CCDC102B: variants seen among roughly 807,000 people sequenced by gnomAD.
CCDC102B encodes coiled-coil domain containing 102B.
CCDC102B carries 75 observed loss-of-function variants against 57.4 expected under a neutral mutation model. The ratio of observed to expected loss-of-function variants is 1.31; its 90% CI spans 1.08 to 1.58. The LOEUF (loss-of-function observed/expected upper bound fraction) is 1.58. Among genes scored for constraint, CCDC102B ranks in the 40% most tolerant of loss-of-function variants. CCDC102B has a pLI of 0.00. For synonymous variants in CCDC102B, 206 were observed against 201.9 expected (o/e 1.02, Z -0.17); for missense variants, 636 against 582.6 (o/e 1.09, Z -0.94).
At chr18:68,715,828 T>A (rs569809281) in intron 1 of CCDC102B, among the ~76,000 whole-genome samples, 1 of 152,332 alleles carries the variant, frequency 6.6e-6, no homozygotes, top group East Asian at 1.9e-4. Flanking sequence ...ACTTACGAAC[T>A]AGATGAAATT....
chr18:68,996,324 A>G (rs1049103783), intron 6 of CCDC102B, among the ~76,000 whole-genome samples: 2 of 152,042 alleles, frequency 1.3e-5, no homozygotes, highest in Non-Finnish European at 2.9e-5. Flanking sequence ...TTACACCTAT[A>G]CCAGTGGTTT....
intron 2 of CCDC102B, among the ~76,000 whole-genome samples, chr18:68,779,396 C>A (rs530795003): frequency 6.6e-6 from 1 of 152,018 alleles, no homozygotes; most frequent in Non-Finnish European, 1.5e-5. Context: ...TCAAAGATTG[C>A]GTAAGCATAG....
chr18:69,051,901 T>A (rs1207618123), intron 7 of CCDC102B, among the ~76,000 whole-genome samples: 1 of 151,066 alleles, frequency 6.6e-6, no homozygotes, highest in Non-Finnish European at 1.5e-5. Context: ...ATCAAGAACA[T>A]AAATGACAAG....
intron 6 of CCDC102B, among the ~76,000 whole-genome samples, chr18:68,925,895 ATC>A (rs2041459212): frequency 6.6e-6 from 1 of 151,964 alleles, no homozygotes. Context: ...ATCAATATAT[ATC>A]TCTGAGACAT....
chr18:68,903,688 G>A (rs1242692607), intron 6 of CCDC102B, among the ~76,000 whole-genome samples: 1 of 152,110 alleles, frequency 6.6e-6, no homozygotes, highest in Non-Finnish European at 1.5e-5. Flanking sequence ...GGAAAAAGTG[G>A]TCCATATTCT....
At chr18:69,022,019 G>A (rs1314066859) in intron 7 of CCDC102B, among the ~76,000 whole-genome samples, 1 of 152,000 alleles carries the variant, frequency 6.6e-6, no homozygotes, top group Non-Finnish European at 1.5e-5. Flanking sequence ...CCCATCAAGC[G>A]AGGCTTATTC....
At chr18:68,918,783 A>G (rs1248164936) in intron 6 of CCDC102B, among the ~76,000 whole-genome samples, 2 of 152,178 alleles carry the variant, frequency 1.3e-5, no homozygotes, top group Non-Finnish European at 2.9e-5. Flanking sequence ...TTGGATTCAT[A>G]GCAGTTCTAA....
At chr18:68,781,102 T>C (rs550810395) in intron 2 of CCDC102B, among the ~76,000 whole-genome samples, 14 of 152,200 alleles carry the variant, frequency 9.2e-5, no homozygotes, top group Non-Finnish European at 1.5e-4. Context: ...TTGTTGTTAG[T>C]AACAACATCA....
intron 2 of CCDC102B, among the ~76,000 whole-genome samples, chr18:68,724,291 C>T (rs1206702998): frequency 6.6e-6 from 1 of 152,188 alleles, no homozygotes; most frequent in African/African-American, 2.4e-5. Flanking sequence ...CTGACATGCC[C>T]CGAAGACATT....
intron 2 of CCDC102B, among the ~76,000 whole-genome samples, chr18:68,755,239 C>A (rs539199421): frequency 6.6e-6 from 1 of 152,128 alleles, no homozygotes; most frequent in East Asian, 1.9e-4. Context: ...CCCCAGAAAA[C>A]CTCTCCAAGT....
At chr18:68,895,235 T>C (rs2040203059) in intron 5 of CCDC102B, among the ~76,000 whole-genome samples, 1 of 151,822 alleles carries the variant, frequency 6.6e-6, no homozygotes, top group Non-Finnish European at 1.5e-5. Flanking sequence ...TGACCCTTAG[T>C]TTATTATATA....
At chr18:68,833,935 C>G (rs1021761705) in intron 1 of CCDC102B, among the ~76,000 whole-genome samples, 3 of 152,140 alleles carry the variant, frequency 2.0e-5, no homozygotes, top group African/African-American at 4.8e-5. Flanking sequence ...ATCAGCGGCC[C>G]TGTCCTACAA....
intron 7 of CCDC102B, among the ~76,000 whole-genome samples, chr18:69,052,997 G>A (rs1271443261): frequency 1.3e-5 from 2 of 151,862 alleles, no homozygotes; most frequent in Non-Finnish European, 2.9e-5. Context: ...AGTGACTTGA[G>A]CATATGTGGA....
intron 7 of CCDC102B, among the ~76,000 whole-genome samples, chr18:69,043,268 G>GAAC (rs1434791468): frequency 6.6e-6 from 1 of 152,112 alleles, no homozygotes; most frequent in Admixed American, 6.6e-5. Flanking sequence ...TCAGTAGATG[G>GAAC]AACGTACAAT....
chr18:68,876,014 G>A (rs1156913942), intron 5 of CCDC102B, among the ~76,000 whole-genome samples: 2 of 152,070 alleles, frequency 1.3e-5, no homozygotes, highest in African/African-American at 2.4e-5. Context: ...AAGTCAAAGG[G>A]AAAAATTGGT....
At chr18:68,888,844 G>T (rs1329311196) in intron 5 of CCDC102B, among the ~76,000 whole-genome samples, 1 of 152,130 alleles carries the variant, frequency 6.6e-6, no homozygotes, top group Non-Finnish European at 1.5e-5. Flanking sequence ...AAGTTAGTAA[G>T]TCATGTGTGG....
intron 2 of CCDC102B, among the ~76,000 whole-genome samples, chr18:68,718,903 G>T (rs2032173884): frequency 6.6e-6 from 1 of 152,056 alleles, no homozygotes; most frequent in Admixed American, 6.6e-5. Context: ...TGTAAAATAT[G>T]CTTTAAAGAA....
At chr18:69,027,185 C>T (rs1437648871) in intron 7 of CCDC102B, among the ~76,000 whole-genome samples, 3 of 152,154 alleles carry the variant, frequency 2.0e-5, no homozygotes, top group African/African-American at 7.2e-5. Flanking sequence ...CCTGGGCTCA[C>T]AGTGTCCTTA....
intron 6 of CCDC102B, among the ~76,000 whole-genome samples, chr18:68,978,296 T>G (rs1051240312): frequency 1.3e-5 from 2 of 152,018 alleles, no homozygotes; most frequent in Non-Finnish European, 2.9e-5. Flanking sequence ...TCTAGAGAGA[T>G]AATTATGCTG....
Sources: allele counts gnomAD v4.1 joint callset (sites outside exome capture counted in the v4.1 genomes callset), GRCh38; gene constraint gnomAD v4.1.1; transcripts MANE v1.5; gene names NCBI Gene and HGNC (gene_info 2026-07-23, HGNC 2026-07-21).